Variants in TBC1D23 observed in about 807,000 individuals in gnomAD.
TBC1D23 encodes TBC1 domain family member 23, also known as HCV non-structural protein 4A-transactivated protein 1.
In TBC1D23, 55 loss-of-function variants were observed where a neutral mutation model predicts 91.4. That is an observed-to-expected ratio of 0.60 (90% CI 0.48 to 0.75). TBC1D23 has a LOEUF of 0.75. TBC1D23 is among the 30% of genes least tolerant of loss of function. The probability of loss-of-function intolerance (pLI) is 0.00; values close to 1 mark genes in which losing one functional copy is unlikely to be tolerated. For synonymous variants in TBC1D23, 289 were observed against 281.0 expected (o/e 1.03, Z -0.28); for missense variants, 725 against 836.1 (o/e 0.87, Z 1.64).
chr3:100,285,967 A>G (rs566742363), intron 4 of TBC1D23, among the ~76,000 whole-genome samples: 2 of 151,222 alleles, frequency 1.3e-5, no homozygotes, highest in South Asian at 4.2e-4. Flanking sequence ...TATTTTTTCC[A>G]CAGTAAGCCT....
At chr3:100,289,695 A>G (rs1285934439) in intron 4 of TBC1D23, among the ~76,000 whole-genome samples, 1 of 152,166 alleles carries the variant, frequency 6.6e-6, no homozygotes, top group Non-Finnish European at 1.5e-5. Context: ...TCCTGAGATG[A>G]TGACTAGAAA....
At chr3:100,311,912 T>TC (rs2148869475) in intron 15 of TBC1D23, 35 bp downstream of exon 15, 1 of 1,431,888 alleles carries the variant, frequency 7.0e-7, no homozygotes, top group South Asian at 1.2e-5. Flanking sequence ...TCTTGAACCA[T>TC]CCTTTTCCTT....
At chr3:100,268,023 T>G (rs553761189) in intron 1 of TBC1D23, among the ~76,000 whole-genome samples, 2 of 152,048 alleles carry the variant, frequency 1.3e-5, no homozygotes, top group South Asian at 4.2e-4. Flanking sequence ...ATAAAAAAAA[T>G]TAGCCAGACT....
At chr3:100,298,427 C>T (rs1705346691) in intron 9 of TBC1D23, among the ~76,000 whole-genome samples, 1 of 152,138 alleles carries the variant, frequency 6.6e-6, no homozygotes, top group Non-Finnish European at 1.5e-5. Flanking sequence ...TTCCATACAA[C>T]TTATAGCAAA....
chr3:100,301,971 T>A (rs1705441736), intron 10 of TBC1D23, 96 bp from the exon 11 acceptor site: 1 of 844,298 alleles, frequency 1.2e-6, no homozygotes, highest in African/African-American at 1.8e-5. Context: ...TTGTGGCTCT[T>A]TAAATATTGG....
chr3:100,266,358 T>A (rs1412399192), intron 1 of TBC1D23, among the ~76,000 whole-genome samples: 1 of 152,086 alleles, frequency 6.6e-6, no homozygotes, highest in Admixed American at 6.6e-5. Context: ...ATCCTCCGCC[T>A]CCTGGGTCCA....
intron 13 of TBC1D23, among the ~76,000 whole-genome samples, chr3:100,307,546 C>T (rs1045548877): frequency 2.0e-4 from 30 of 152,296 alleles, no homozygotes; most frequent in Middle Eastern, 6.8e-3. Context: ...GTAGTTATTA[C>T]GAAATTGTAA....
chr3:100,265,069 T>G (rs1356999577), intron 1 of TBC1D23, among the ~76,000 whole-genome samples: 3 of 152,228 alleles, frequency 2.0e-5, no homozygotes, highest in Non-Finnish European at 4.4e-5. Flanking sequence ...TATGTCACAT[T>G]GTATCACCTT....
At chr3:100,322,745 A>G (rs1194879771) in intron 18 of TBC1D23, among the ~76,000 whole-genome samples, 5 of 152,170 alleles carry the variant, frequency 3.3e-5, no homozygotes, top group Non-Finnish European at 7.4e-5. Flanking sequence ...AATAAATTGA[A>G]GTTTATTATA....
At chr3:100,307,711 A>T (rs185176474) in intron 13 of TBC1D23, among the ~76,000 whole-genome samples, 64 of 152,354 alleles carry the variant, frequency 4.2e-4, no homozygotes, top group Non-Finnish European at 8.2e-4. Context: ...ACCATTACTT[A>T]GTAAACGTTT....
chr3:100,317,562 G>A (rs1171172145), intron 16 of TBC1D23, among the ~76,000 whole-genome samples: 1 of 152,100 alleles, frequency 6.6e-6, no homozygotes, highest in African/African-American at 2.4e-5. Flanking sequence ...AGATTGCTAG[G>A]TTATAGGGAA....
chr3:100,295,391 A>G (rs774195568), intron 7 of TBC1D23, 43 bp downstream of exon 7: 4 of 1,511,358 alleles, frequency 2.6e-6, no homozygotes, highest in Non-Finnish European at 3.6e-6. Context: ...AGGTCTCTTT[A>G]TCTGTGTAAG....
In TBC1D23 at chr3:100,279,243, A is replaced by G. The variant is rs372106998; in HGVS notation, c.54-406A>G. Among the ~76,000 whole-genome samples the G allele has an allele frequency of 3.3e-5, 5 of 152,318 alleles. No individual in the cohort carries two copies. In the East Asian group the frequency reaches 7.7e-4, roughly 24 times the overall value. On this transcript the variant is annotated intron_variant, in intron 1 of 18. Coordinates refer to ENST00000394144, the MANE Select transcript of TBC1D23 (RefSeq NM_001199198.3). ...TTTGCATCTGTACGTGGGGTCAGTG[A>G]TGTAACCTACCTCATAGGGATTGTT...
intron 8 of TBC1D23, 98 bp from the exon 9 acceptor site, chr3:100,297,825 A>G: frequency 9.9e-7 from 1 of 1,010,836 alleles, no homozygotes; most frequent in South Asian, 1.8e-5. Flanking sequence ...ACTCAAGAGT[A>G]TTATAATTTT....
At chr3:100,279,233 G>A (rs996460213) in intron 1 of TBC1D23, among the ~76,000 whole-genome samples, 1 of 152,072 alleles carries the variant, frequency 6.6e-6, no homozygotes, top group African/African-American at 2.4e-5. Context: ...ATCTGTACGT[G>A]GGGTCAGTGA....
Position 100,323,823 on chromosome 3 carries a change from G to A in TBC1D23, c.*155G>A. On this transcript the variant is annotated 3_prime_UTR_variant, in exon 19 of 19. Transcript: ENST00000394144. ...GTGTAAATTATTATAATCAATCTGT[G>A]GACAGTAAACTTTTTAAAAATTTTT... 3.4e-6 allele frequency: 1 copy of A among 294,738 alleles called. No individual in the cohort carries two copies. Among genetic ancestry groups the A allele is most frequent in the Non-Finnish European group, 6.3e-6 (1 of 157,496 alleles). The allele number at this position is 294,738 out of a possible 1,614,324, so 18.3% of individuals were successfully genotyped here. A position where few individuals can be genotyped will look rare whatever the true frequency, so the allele number is the denominator to read the frequency against.
chr3:100,285,680 G>A (rs2067735265), intron 4 of TBC1D23, among the ~76,000 whole-genome samples: 3 of 152,162 alleles, frequency 2.0e-5, no homozygotes, highest in African/African-American at 7.2e-5. Context: ...TGCATCATAT[G>A]TTCTCACCAA....
intron 1 of TBC1D23, among the ~76,000 whole-genome samples, chr3:100,276,922 T>A (rs2067653204): frequency 6.6e-6 from 1 of 152,246 alleles, no homozygotes; most frequent in Non-Finnish European, 1.5e-5. Flanking sequence ...TTGCTTATTT[T>A]TTGTACTTTC....
chr3:100,323,537 A>G, intron 18 of TBC1D23, 50 bp from the exon 19 acceptor site: 1 of 920,680 alleles, frequency 1.1e-6, no homozygotes, highest in Non-Finnish European at 1.5e-6. Context: ...TTATATACAT[A>G]TACATATGTA....
Sources: gnomAD v4.1 joint callset for allele counts (sites outside exome capture counted in the v4.1 genomes callset) on GRCh38, gnomAD v4.1.1 for gene constraint, MANE v1.5 for transcripts, NCBI Gene and HGNC (gene_info 2026-07-23, HGNC 2026-07-21) for gene names.